MYLK4: variants seen among roughly 807,000 people sequenced by gnomAD.
MYLK4 encodes the protein myosin light chain kinase family member 4.
MYLK4 carries 46 observed loss-of-function variants against 48.1 expected under a neutral mutation model. The ratio of observed to expected loss-of-function variants is 0.96; its 90% CI spans 0.75 to 1.22. The LOEUF (loss-of-function observed/expected upper bound fraction) is 1.22. Among genes scored for constraint, MYLK4 ranks in the 50% most tolerant of loss-of-function variants. MYLK4 has a pLI of 0.00. For missense variants in MYLK4, 451 were observed against 486.1 expected (o/e 0.93, Z 0.68); for synonymous variants, 170 against 180.8 (o/e 0.94, Z 0.48).
intron 2 of MYLK4, among the ~76,000 whole-genome samples, chr6:2,744,614 T>C (rs1764011683): frequency 6.6e-6 from 1 of 152,116 alleles, no homozygotes; most frequent in Non-Finnish European, 1.5e-5. Flanking sequence ...AATAGGAAAA[T>C]CCACACTTTA....
At chr6:2,745,127 C>G (rs1018079287) in intron 2 of MYLK4, among the ~76,000 whole-genome samples, 1 of 152,148 alleles carries the variant, frequency 6.6e-6, no homozygotes, top group Non-Finnish European at 1.5e-5. Flanking sequence ...CCGAGGAAAG[C>G]AGTGAGAAGC....
intron 4 of MYLK4, among the ~76,000 whole-genome samples, chr6:2,687,617 T>C (rs919132474): frequency 2.0e-5 from 3 of 152,212 alleles, no homozygotes; most frequent in South Asian, 2.1e-4. Context: ...GTTCATGCTG[T>C]GGAATTCCTG....
chr6:2,699,728 C>T (rs1412198568), intron 2 of MYLK4, among the ~76,000 whole-genome samples: 2 of 152,240 alleles, frequency 1.3e-5, no homozygotes, highest in East Asian at 3.9e-4. Flanking sequence ...TTTTCTTATC[C>T]TGATAACTCC....
At position 2,673,465 on chromosome 6, in the gene MYLK4, T is replaced by A. The variant is rs1434688920; in HGVS notation, c.1119+1582A>T. Reference sequence around the variant, plus strand: ...TAAGGCATAGTCATTCCAAGGTTTGTTGGTCAGTGAAAAAGTTCCATTCCA... The same window carrying A: ...TAAGGCATAGTCATTCCAAGGTTTGATGGTCAGTGAAAAAGTTCCATTCCA... On this transcript the variant is annotated intron_variant, in intron 11 of 12. Transcript: ENST00000274643. This position sits in a 1 kb window ranked among gnomAD's most constrained non-coding sequence, Gnocchi z 4.2. Among the ~76,000 whole-genome samples the A allele has an allele frequency of 1.3e-5, 2 of 152,206 alleles. No individual in the cohort carries two copies. The highest frequency in any genetic ancestry group is 1.5e-5 in the Non-Finnish European group (1 of 68,036).
chr6:2,712,489 A>C (rs762256732), intron 2 of MYLK4, among the ~76,000 whole-genome samples: 1 of 152,264 alleles, frequency 6.6e-6, no homozygotes, highest in Non-Finnish European at 1.5e-5. Context: ...TGCACTAAAC[A>C]GAACAATGGT....
At chr6:2,680,471 T>C in intron 7 of MYLK4, 180 bp from the exon 8 acceptor site, 5 of 985,390 alleles carry the variant, frequency 5.1e-6, no homozygotes, top group Non-Finnish European at 6.0e-6. Flanking sequence ...AGGTTGCGGG[T>C]ATCCTGCCAA....
intron 2 of MYLK4, among the ~76,000 whole-genome samples, chr6:2,729,899 A>C (rs185365054): frequency 1.3e-5 from 2 of 152,350 alleles, no homozygotes; most frequent in East Asian, 3.9e-4. Flanking sequence ...GCCGAAAGCA[A>C]CTTCTTCCCT....
chr6:2,756,150 T>G, the MYLK4 span, among the ~76,000 whole-genome samples: 1 of 152,214 alleles, frequency 6.6e-6, no homozygotes, highest in Non-Finnish European at 1.5e-5. Flanking sequence ...TGTGAAATGA[T>G]TTTCTAATTC....
intron 7 of MYLK4, among the ~76,000 whole-genome samples, chr6:2,681,194 C>A (rs1761285148): frequency 6.6e-6 from 1 of 152,206 alleles, no homozygotes; most frequent in African/African-American, 2.4e-5. Context: ...GCCCAGGATC[C>A]CGTTCCTCAG....
At chr6:2,700,087 G>A (rs1230089606) in intron 2 of MYLK4, among the ~76,000 whole-genome samples, 2 of 152,084 alleles carry the variant, frequency 1.3e-5, no homozygotes, top group Non-Finnish European at 2.9e-5. Context: ...TAATGAGTCT[G>A]ATATTGTTAT....
At chr6:2,753,731 C>T (rs1178753828), upstream of MYLK4, among the ~76,000 whole-genome samples, 1 of 151,844 alleles carries the variant, frequency 6.6e-6, no homozygotes, top group Non-Finnish European at 1.5e-5. Flanking sequence ...AAACAGACCT[C>T]ACCAAAGAAG....
Position 2,669,578 on chromosome 6 carries a change from G to A in MYLK4, c.*26-1679C>T, listed in dbSNP as rs141139861. On this transcript the variant is annotated intron_variant, in intron 12 of 12. Transcript: ENST00000274643. ...AACCCTCGGGGTTTGTGGTCGCTAG[G>A]GACAAAACTGCTTCTGGGGGTGAGG... Among the ~76,000 whole-genome samples the A allele has an allele frequency of 9.9e-5, 15 of 152,254 alleles. No homozygotes were observed. The East Asian group carries it at 2.3e-3, about 24-fold the overall frequency.
chr6:2,756,783 C>T, the MYLK4 span, among the ~76,000 whole-genome samples: 1 of 152,302 alleles, frequency 6.6e-6, no homozygotes, highest in African/African-American at 2.4e-5. Context: ...CCATTCTAAA[C>T]AATTGAGGAA....
chr6:2,749,228 C>A lies in MYLK4; in HGVS notation c.67G>T (p.Ala23Ser). Reference sequence around the variant, plus strand: ...ACCTCTTCCCTGCACTGAAAAAAGGCCATTTTCTCCAGCTGGTTGCTGTTA... The same window carrying A: ...ACCTCTTCCCTGCACTGAAAAAAGGACATTTTCTCCAGCTGGTTGCTGTTA... The part of the protein sequence containing the change: ...CYNSNQLEKM[A>S]FFQCREEVEK... Residue 23 changes from alanine to serine, a missense_variant, in exon 2 of 13, where the codon GCC becomes TCC. Coordinates refer to ENST00000274643, the MANE Select transcript of MYLK4 (RefSeq NM_001012418.5). 6.2e-7 allele frequency: 1 copy of A among 1,614,028 alleles called. No homozygotes were observed. Among genetic ancestry groups the A allele is most frequent in the Non-Finnish European group, 8.5e-7 (1 of 1,179,942 alleles).
At chr6:2,681,531 C>T (rs943204517) in intron 7 of MYLK4, among the ~76,000 whole-genome samples, 2 of 152,084 alleles carry the variant, frequency 1.3e-5, no homozygotes, top group Non-Finnish European at 2.9e-5. Flanking sequence ...ATAGAGAAAC[C>T]GTTTTGAGGG....
chr6:2,737,244 C>T (rs909632983), intron 2 of MYLK4, among the ~76,000 whole-genome samples: 20 of 152,204 alleles, frequency 1.3e-4, no homozygotes, highest in African/African-American at 2.2e-4. Flanking sequence ...ACCCGGGAGG[C>T]GGAGGTTGCA....
chr6:2,683,029 C>T lies in MYLK4; in HGVS notation c.679G>A (p.Asp227Asn), dbSNP rs1215252115. 2 of 1,614,184 alleles carry T rather than the reference C, an allele frequency of 1.2e-6. No individual in the cohort carries two copies. The highest frequency in any genetic ancestry group is 1.7e-6 in the Non-Finnish European group (2 of 1,180,040). Residue 227 changes from aspartate to asparagine, a missense_variant, in exon 7 of 13, where the codon GAC (aspartate) becomes AAC (asparagine). Physicochemically the swap from Asp to Asn is conservative, Grantham distance 23. Coordinates refer to ENST00000274643, the MANE Select transcript of MYLK4 (RefSeq NM_001012418.5). Reference sequence around the variant, plus strand: ...ATACAAAACACCCTTACCTTCAGGTCCAAGTGGAGAATGTACATCTGATGC... The same window carrying T: ...ATACAAAACACCCTTACCTTCAGGTTCAAGTGGAGAATGTACATCTGATGC... Reference protein sequence around the residue: ...HMHQMYILHLDLKPENILCVN... With the variant: ...HMHQMYILHLNLKPENILCVN...
At chr6:2,763,366 C>G in the MYLK4 span, among the ~76,000 whole-genome samples, 28 of 152,366 alleles carry the variant, frequency 1.8e-4, no homozygotes, top group Non-Finnish European at 1.2e-4. Flanking sequence ...GGTGAACGGC[C>G]CTGGGTGCCG....
chr6:2,701,123 C>T lies in MYLK4; in HGVS notation c.160-8264G>A, dbSNP rs114533635. 2.2e-3 allele frequency among the ~76,000 whole-genome samples: 336 copies of T among 152,288 alleles called. 2 individuals are homozygous for T. Among genetic ancestry groups the T allele is most frequent in the Non-Finnish European group, 3.8e-3 (261 of 68,030 alleles). On this transcript the variant is annotated intron_variant, in intron 2 of 12. Transcript: ENST00000274643. Reference sequence around the variant, plus strand: ...ACTTTGTAAAATTTCCCTTTCATAACGCAAGTCCAAACCTTGGAATGTTTT... The same window carrying T: ...ACTTTGTAAAATTTCCCTTTCATAATGCAAGTCCAAACCTTGGAATGTTTT...
Sources: gnomAD v4.1 joint callset for allele counts (sites outside exome capture counted in the v4.1 genomes callset) on GRCh38, gnomAD v4.1.1 for gene constraint, Gnocchi (gnomAD v3.1) non-coding constraint, MANE v1.5 for transcripts, NCBI Gene and HGNC (gene_info 2026-07-23, HGNC 2026-07-21) for gene names.